The following USP54 variants were observed in gnomAD, a reference collection of about 807,000 sequenced individuals.
USP54 encodes ubiquitin carboxyl-terminal hydrolase 54.
In USP54, 87 loss-of-function variants were observed where a neutral mutation model predicts 170.5. The ratio of observed to expected loss-of-function variants is 0.51; its 90% confidence interval spans 0.43 to 0.61. The LOEUF (loss-of-function observed/expected upper bound fraction) is 0.61. Ranked by LOEUF, USP54 falls within the 20% of genes least tolerant of loss-of-function variation. The pLI, the probability that USP54 is intolerant of heterozygous loss-of-function variation, is 0.00. For missense variants in USP54, 1,786 were observed against 2,047.8 expected, an observed-to-expected ratio of 0.87 and a Z score of 2.47; for synonymous variants, 655 against 742.8, an observed-to-expected ratio of 0.88 and a Z score of 1.92.
chr10:73,505,090 T>A, intron 21 of USP54, 100 bp from the exon 22 acceptor site: 1 of 1,525,678 alleles, frequency 6.6e-7, no homozygotes. Context: ...AGGGGAAGAC[T>A]CAGTAGTAAT....
chr10:73,554,523 T>C (rs1000611669), intron 4 of USP54, among the ~76,000 whole-genome samples: 79 of 152,216 alleles, frequency 5.2e-4, no homozygotes, highest in African/African-American at 1.7e-3. Context: ...CAAAAGAATG[T>C]TGAAAGTTGT....
chr10:73,564,336 A>C (rs910409303), intron 4 of USP54, among the ~76,000 whole-genome samples: 1 of 152,188 alleles, frequency 6.6e-6, no homozygotes, highest in Non-Finnish European at 1.5e-5. Context: ...TACGGTATGA[A>C]ATAGGAAACT....
intron 20 of USP54, among the ~76,000 whole-genome samples, chr10:73,514,094 G>A (rs1420750376): frequency 6.6e-6 from 1 of 152,124 alleles, no homozygotes; most frequent in Non-Finnish European, 1.5e-5. Flanking sequence ...TGGGATCACA[G>A]GTGTGGGCCA....
At chr10:73,601,952 T>C (rs191736023) in intron 1 of USP54, among the ~76,000 whole-genome samples, 7 of 152,344 alleles carry the variant, frequency 4.6e-5, no homozygotes, top group African/African-American at 1.7e-4. Flanking sequence ...ACTGTTTGTT[T>C]CAACAGCCCC....
At position 73,546,189 on chromosome 10, in the gene USP54, A is replaced by G. The variant is rs554356175; in HGVS notation, c.241-517T>C. Among the ~76,000 whole-genome samples the G allele has an allele frequency of 2.2e-3, 330 of 152,328 alleles. 2 individuals are homozygous for G. The highest frequency in any genetic ancestry group is 3.6e-3 in the Non-Finnish European group (242 of 68,034). ...TTCTATCATGTTTACTTTCATCTAC[A>G]GATAATGCTAAAGTCTTGTTTAAGA... On this transcript the variant is annotated intron_variant, in intron 4 of 23. Transcript: ENST00000687698.
intron 20 of USP54, among the ~76,000 whole-genome samples, chr10:73,509,419 T>G (rs938322448): frequency 7.1e-6 from 1 of 140,252 alleles, no homozygotes; most frequent in Non-Finnish European, 1.5e-5. Flanking sequence ...CTGGCCAACA[T>G]AGTGAAACCC....
In USP54 at chr10:73,616,430, T is replaced by C. The variant is rs578030195; in HGVS notation, c.-18+9137A>G. Among the ~76,000 whole-genome samples the C allele has an allele frequency of 2.0e-5, 3 of 148,746 alleles. No individual in the cohort carries two copies. In the East Asian group the frequency reaches 5.8e-4, roughly 29 times the overall value. On this transcript the variant is annotated intron_variant, in intron 1 of 22. Coordinates refer to the USP54 transcript ENST00000339859. ...AGAAAACCAAATGCCACGTTTTCAC[T>C]TATAAGTGGCAGCTGAACAATGAAA...
rs1020764123 is a variant in USP54, at chr10:73,498,943, C to A, written c.4741G>T (p.Val1581Phe). 1 of 1,614,108 alleles carries A rather than the reference C, an allele frequency of 6.2e-7. No homozygotes were observed. The highest frequency in any genetic ancestry group is 1.3e-5 in the African/African-American group (1 of 74,992). The change falls in exon 24 of 24, where the codon GTT becomes TTT. Residue 1581 changes from valine (V) to phenylalanine (F), a missense_variant. Physicochemically the swap from Val to Phe is conservative, Grantham distance 50 (BLOSUM62 -1). Transcript: ENST00000687698. ...TLPERSKGLQ[V>F]PHTQSWSDLF... ...TCACTCCAGGACTGAGTGTGAGGAACCTGAAGGCCCTTGCTTCTTTCTGGT... is the reference window on the plus strand; with the variant it reads ...TCACTCCAGGACTGAGTGTGAGGAAACTGAAGGCCCTTGCTTCTTTCTGGT...
chr10:73,500,705 G>T lies in USP54; in HGVS notation c.4445C>A (p.Ser1482Tyr). ...CATGGTGGGCATCAGGACATCTGGG[G>T]ACAGGAACTGTGGTTGGGGAAGGTA... ...QLYLPQPQFL[S>Y]PDVLMPTMAG... Residue 1482 changes from serine (S) to tyrosine (Y), a missense_variant, in exon 23 of 24, where the codon TCC becomes TAC. Transcript: ENST00000687698. 1 of 1,608,152 alleles carries T rather than the reference G, an allele frequency of 6.2e-7. No individual in the cohort carries two copies. The highest frequency in any genetic ancestry group is 2.3e-5 in the East Asian group (1 of 43,938).
intron 7 of USP54, 36 bp downstream of exon 7, chr10:73,542,767 G>C: frequency 6.5e-7 from 1 of 1,544,016 alleles, no homozygotes; most frequent in Non-Finnish European, 8.9e-7. Flanking sequence ...CTGGAGGAAT[G>C]CCTAAACGCA....
chr10:73,531,560 T>C (rs1194557859), intron 12 of USP54, among the ~76,000 whole-genome samples: 1 of 152,248 alleles, frequency 6.6e-6, no homozygotes, highest in Non-Finnish European at 1.5e-5. Context: ...TGATTTTCAG[T>C]ACATCTGGTA....
At chr10:73,559,652 TG>T (rs2072309708) in intron 4 of USP54, among the ~76,000 whole-genome samples, 1 of 150,014 alleles carries the variant, frequency 6.7e-6, no homozygotes, top group Non-Finnish European at 1.5e-5. Context: ...CACTTGAACC[TG>T]GGAGGCGGAG....
chr10:73,588,298 C>T (rs1389745823), intron 1 of USP54, among the ~76,000 whole-genome samples: 2 of 152,190 alleles, frequency 1.3e-5, no homozygotes, highest in Non-Finnish European at 2.9e-5. Flanking sequence ...TGGCTCACCG[C>T]AACCTCCGCC....
At chr10:73,575,401 T>C in intron 3 of USP54, 111 bp downstream of exon 3, 1 of 1,241,202 alleles carries the variant, frequency 8.1e-7, no homozygotes, top group Non-Finnish European at 1.1e-6. Flanking sequence ...TATCTCAGGT[T>C]ACTAACCTCA....
chr10:73,574,315 GAGAGCTCAA>G (rs979289365), intron 3 of USP54, among the ~76,000 whole-genome samples: 20 of 151,244 alleles, frequency 1.3e-4, no homozygotes, highest in Admixed American at 1.2e-3. Flanking sequence ...GCCAAAACAG[GAGAGCTCAA>G]AGAGAGGAGA....
chr10:73,528,567 T>C (rs2063392407), intron 15 of USP54, among the ~76,000 whole-genome samples: 2 of 151,874 alleles, frequency 1.3e-5, no homozygotes, highest in South Asian at 2.1e-4. Flanking sequence ...AGTCCGTTTT[T>C]GTTTCTTTTT....
chr10:73,505,587 G>T (rs1417527041), intron 20 of USP54, 161 bp from the exon 21 acceptor site: 3 of 604,008 alleles, frequency 5.0e-6, no homozygotes, highest in Non-Finnish European at 8.5e-6. Flanking sequence ...AGAAGCAAGA[G>T]GGGCTGGGCG....
chr10:73,600,790 T>C (rs1484211051), intron 1 of USP54, among the ~76,000 whole-genome samples: 2 of 152,164 alleles, frequency 1.3e-5, no homozygotes, highest in East Asian at 3.8e-4. Context: ...GGCGGTCACC[T>C]GTAATCCCAG....
intron 12 of USP54, among the ~76,000 whole-genome samples, chr10:73,533,795 C>G (rs1390449403): frequency 6.6e-6 from 1 of 152,222 alleles, no homozygotes; most frequent in Middle Eastern, 3.2e-3. Flanking sequence ...ATGGAACTCA[C>G]AATAACAAAT....
Sources: gnomAD v4.1 joint callset for allele counts (sites outside exome capture counted in the v4.1 genomes callset) on GRCh38, gnomAD v4.1.1 for gene constraint, MANE v1.5 for transcripts, NCBI Gene and HGNC (gene_info 2026-07-23, HGNC 2026-07-21) for gene names.